Variants in CLPTM1 observed in about 807,000 individuals in gnomAD.
The protein encoded by CLPTM1 is putative lipid scramblase CLPTM1.
CLPTM1 carries 21 observed loss-of-function variants against 77.3 expected under a neutral mutation model. The ratio of observed to expected loss-of-function variants is 0.27; its 90% confidence interval spans 0.19 to 0.39. CLPTM1 has a LOEUF of 0.39. CLPTM1 is among the 10% of genes least tolerant of loss of function. The pLI is 1.00. For missense variants in CLPTM1, 642 were observed against 921.2 expected, an observed-to-expected ratio of 0.70 and a Z score of 3.92; for synonymous variants, 373 against 381.0, an observed-to-expected ratio of 0.98 and a Z score of 0.24.
chr19:44,957,620 G>C (rs1970484008), intron 1 of CLPTM1, among the ~76,000 whole-genome samples: 1 of 152,240 alleles, frequency 6.6e-6, no homozygotes. Flanking sequence ...ATGTTGCTGG[G>C]GATTGTGTGT....
intron 6 of CLPTM1, among the ~76,000 whole-genome samples, chr19:44,985,774 G>A (rs1025002687): frequency 6.6e-6 from 1 of 151,938 alleles, no homozygotes; most frequent in African/African-American, 2.4e-5. Context: ...CCTGCAGTGG[G>A]CACTAAGAGA....
chr19:44,963,426 C>T (rs1222243770), intron 2 of CLPTM1, among the ~76,000 whole-genome samples: 21 of 147,714 alleles, frequency 1.4e-4, no homozygotes, highest in African/African-American at 4.5e-4. Context: ...CCCGGGTTCA[C>T]GCCATTCTCC....
rs575506946 is a variant in CLPTM1, at chr19:44,966,404, C to A, written c.185+4329C>A. Among the ~76,000 whole-genome samples the A allele has an allele frequency of 4.9e-5, 6 of 123,316 alleles. No homozygotes were observed. In the South Asian group the frequency reaches 1.7e-3, roughly 35 times the overall value. The allele number at this position is 123,316 out of a possible 152,430, so 80.9% of individuals were successfully genotyped here. ...CCAGCCTGGGTGACAGAGCGAGACA[C>A]AGTCTCAAAAATAAAAAAGTGTAAT... On this transcript the variant is annotated intron_variant, in intron 2 of 13. Transcript: ENST00000337392.
At chr19:44,956,861 C>T (rs1027195295) in intron 1 of CLPTM1, among the ~76,000 whole-genome samples, 1 of 152,194 alleles carries the variant, frequency 6.6e-6, no homozygotes, top group Non-Finnish European at 1.5e-5. Context: ...TTTAATAAAT[C>T]ACAGTCTTGC....
At position 44,990,952 on chromosome 19, in the gene CLPTM1, G is replaced by A. The variant is rs542024626; in HGVS notation, c.1419+7G>A. The A allele has an allele frequency of 4.5e-4, 712 of 1,598,390 alleles. 15 individuals are homozygous for A. In the South Asian group the frequency reaches 7.5e-3, roughly 17 times the overall value. On this transcript the variant is annotated splice_region_variant and intron_variant, in intron 11 of 13. Transcript: ENST00000337392. The surrounding 1 kb of genome is among the most constrained non-coding windows in gnomAD (Gnocchi z 4.8). ...GACCAAAGTGTATGATGATGTGAGT[G>A]TCCTGCACAGTGGGCCCCTGGGGGT...
intron 2 of CLPTM1, among the ~76,000 whole-genome samples, chr19:44,972,244 C>T (rs548720878): frequency 2.0e-5 from 3 of 150,054 alleles, no homozygotes; most frequent in Non-Finnish European, 4.4e-5. Flanking sequence ...AATACTAGAT[C>T]TCATTCATTC....
intron 5 of CLPTM1, among the ~76,000 whole-genome samples, chr19:44,978,082 C>T (rs1254183316): frequency 6.6e-6 from 1 of 151,918 alleles, no homozygotes; most frequent in Non-Finnish European, 1.5e-5. Context: ...TGCACTCCAG[C>T]CTGGGTGACA....
intron 5 of CLPTM1, among the ~76,000 whole-genome samples, chr19:44,983,042 CAG>C (rs1359907180): frequency 6.9e-6 from 1 of 144,628 alleles, no homozygotes; most frequent in African/African-American, 2.6e-5. Context: ...GCCTGGGCAA[CAG>C]AGTGAGACTC....
intron 6 of CLPTM1, among the ~76,000 whole-genome samples, chr19:44,985,892 G>A (rs1041416604): frequency 3.3e-5 from 5 of 152,166 alleles, no homozygotes; most frequent in East Asian, 1.9e-4. Context: ...GCTGGGCTTC[G>A]CAGCCTGGCC....
In CLPTM1 at chr19:44,992,719, T is replaced by C; in HGVS notation, c.1832T>C (p.Val611Ala). The change falls in exon 14 of 14, where the codon GTG becomes GCG. Residue 611 changes from valine (V) to alanine (A), a missense_variant. Val to Ala is a moderately conservative substitution (Grantham distance 64). Coordinates refer to ENST00000337392, the MANE Select transcript of CLPTM1 (RefSeq NM_001294.4). This position sits in a 1 kb window ranked among gnomAD's most constrained non-coding sequence, Gnocchi z 7.7. Reference protein sequence around the residue: ...SGEDPTAAAPVAEVPTAAGAL... With the variant: ...SGEDPTAAAPAAEVPTAAGAL... The stretch of plus-strand genomic sequence containing the variant: ...GAAGACCCCACAGCTGCCGCCCCCG[T>C]GGCCGAGGTTCCCACAGCAGCAGGG... The C allele has an allele frequency of 1.2e-6, 2 of 1,613,350 alleles. No homozygotes were observed. The highest frequency in any genetic ancestry group is 1.7e-6 in the Non-Finnish European group (2 of 1,179,844).
rs548371059 is a variant in CLPTM1, at chr19:44,976,440, G to A, written c.469-903G>A. Among the ~76,000 whole-genome samples the A allele has an allele frequency of 3.3e-5, 5 of 152,332 alleles. No homozygotes were observed. In the East Asian group the frequency reaches 9.6e-4, roughly 29 times the overall value. ...TTTAAGACTGTAGTGTGCCATGATC[G>A]CAACTGCAAATAGCCAGTGCACTCC... On this transcript the variant is annotated intron_variant, in intron 4 of 13. Coordinates refer to ENST00000337392, the MANE Select transcript of CLPTM1 (RefSeq NM_001294.4).
chr19:44,976,786 G>A (rs577973776), intron 4 of CLPTM1, among the ~76,000 whole-genome samples: 42 of 152,284 alleles, frequency 2.8e-4, no homozygotes, highest in Middle Eastern at 3.4e-3. Flanking sequence ...TTCCATCTGC[G>A]TACTTGCCAC....
intron 2 of CLPTM1, among the ~76,000 whole-genome samples, chr19:44,964,812 G>A (rs1023693430): frequency 1.3e-5 from 2 of 152,094 alleles, no homozygotes; most frequent in Non-Finnish European, 1.5e-5. Flanking sequence ...CACTACTCTA[G>A]TTAGCTCCTG....
At chr19:44,962,189 G>T in intron 2 of CLPTM1, 114 bp downstream of exon 2, 2 of 485,834 alleles carry the variant, frequency 4.1e-6, no homozygotes, top group South Asian at 5.2e-5. Context: ...TGGTAGAGTT[G>T]CTTTTTTTCT....
At position 44,991,626 on chromosome 19, in the gene CLPTM1, A is replaced by T. The variant is rs181718616; in HGVS notation, c.1555+253A>T. 6.6e-6 allele frequency among the ~76,000 whole-genome samples: 1 copy of T among 152,120 alleles called. No homozygotes were observed. The highest frequency in any genetic ancestry group is 1.5e-5 in the Non-Finnish European group (1 of 67,994). On this transcript the variant is annotated intron_variant, in intron 12 of 13. Coordinates refer to ENST00000337392, the MANE Select transcript of CLPTM1 (RefSeq NM_001294.4). This position sits in a 1 kb window ranked among gnomAD's most constrained non-coding sequence, Gnocchi z 5.4. ...TGGGAACAAGTAAACAAGTAGGGCC[A>T]GGTGCAGTGGCTCACACCTGTTATC...
chr19:44,973,050 G>T, intron 2 of CLPTM1, 37 bp from the exon 3 acceptor site: 4 of 1,609,730 alleles, frequency 2.5e-6, no homozygotes, highest in Non-Finnish European at 3.4e-6. Context: ...GAGAGCCAAG[G>T]CTTGGGGACT....
intron 2 of CLPTM1, among the ~76,000 whole-genome samples, chr19:44,971,685 A>G (rs966904219): frequency 6.6e-6 from 1 of 151,952 alleles, no homozygotes; most frequent in African/African-American, 2.4e-5. Flanking sequence ...CAGTCCCCCA[A>G]GTAGCTGGGA....
intron 2 of CLPTM1, among the ~76,000 whole-genome samples, chr19:44,969,077 G>A (rs1456964745): frequency 6.6e-6 from 1 of 152,160 alleles, no homozygotes; most frequent in East Asian, 1.9e-4. Flanking sequence ...AAAGTTTTTT[G>A]TATGCCTTTT....
chr19:44,959,892 A>C (rs950716175), intron 1 of CLPTM1, among the ~76,000 whole-genome samples: 4 of 152,088 alleles, frequency 2.6e-5, no homozygotes, highest in Non-Finnish European at 5.9e-5. Flanking sequence ...TTGTGGTTTT[A>C]ACTTGCCTTT....
Sources: gnomAD v4.1 joint callset for allele counts (sites outside exome capture counted in the v4.1 genomes callset) on GRCh38, gnomAD v4.1.1 for gene constraint, Gnocchi (gnomAD v3.1) non-coding constraint, MANE v1.5 for transcripts, NCBI Gene and HGNC (gene_info 2026-07-23, HGNC 2026-07-21) for gene names.